The following LMO2 variants were observed in gnomAD, a reference collection of about 807,000 sequenced individuals.
The protein encoded by LMO2 is rhombotin-2.
Under a neutral mutation model 23.2 loss-of-function variants are expected in LMO2, and 20 were observed. The ratio of observed to expected loss-of-function variants is 0.86; its 90% CI spans 0.61 to 1.25. LMO2 has a LOEUF of 1.25. Among genes scored for constraint, LMO2 ranks in the 50% most tolerant of loss-of-function variants. The probability of loss-of-function intolerance (pLI) is 0.00; values close to 1 mark genes in which losing one functional copy is unlikely to be tolerated. For synonymous variants in LMO2, 123 were observed against 130.2 expected (o/e 0.94, Z 0.38); for missense variants, 270 against 315.3 (o/e 0.86, Z 1.09).
At chr11:33,890,863 AG>A (rs1440931829) in intron 1 of LMO2, among the ~76,000 whole-genome samples, 1 of 152,284 alleles carries the variant, frequency 6.6e-6, no homozygotes, top group Non-Finnish European at 1.5e-5. Context: ...CATCTTTCTA[AG>A]GTCTAAAGTG....
At chr11:33,869,611 G>C (rs1313487937) in intron 3 of LMO2, 25 bp from the exon 4 acceptor site, 2 of 1,271,756 alleles carry the variant, frequency 1.6e-6, no homozygotes, top group Non-Finnish European at 2.0e-6. Context: ...GAGAGAGAGC[G>C]AATCACCGGG....
chr11:33,865,022 TC>T (rs1856732024), intron 4 of LMO2: 2 of 613,752 alleles, frequency 3.3e-6, no homozygotes, highest in Non-Finnish European at 5.9e-6. Context: ...CAGACCTTAC[TC>T]CCTAGATGTC....
chr11:33,869,699 C>CA lies in LMO2; in HGVS notation c.7+10dup, dbSNP rs1288766794. The CA allele has an allele frequency of 7.7e-7, 1 of 1,294,970 alleles. No homozygotes were observed. Among genetic ancestry groups the CA allele is most frequent in the East Asian group, 3.5e-5 (1 of 28,472 alleles). 80.2% of individuals were successfully genotyped at this position (1,294,970 alleles called of 1,614,324 possible). On this transcript the variant is annotated intron_variant, in intron 3 of 5. Transcript: ENST00000257818. The stretch of plus-strand genomic sequence containing the variant: ...GGCGGCTGCAGCTGCTGCTGCTGCT[C>CA]AGGACTTAACCTTCCATCCCGGTCC...
intron 5 of LMO2, among the ~76,000 whole-genome samples, chr11:33,862,203 CAG>C (rs956804701): frequency 2.0e-5 from 3 of 152,152 alleles, no homozygotes; most frequent in African/African-American, 7.2e-5. Context: ...CAAAGTCCCT[CAG>C]AGGGGAGGGA....
At chr11:33,883,295 G>C (rs887868857) in intron 1 of LMO2, among the ~76,000 whole-genome samples, 1 of 152,236 alleles carries the variant, frequency 6.6e-6, no homozygotes, top group Non-Finnish European at 1.5e-5. Flanking sequence ...TCTGGACCCA[G>C]GTTCTGGAGA....
chr11:33,870,976 G>T (rs1033108836), intron 2 of LMO2: 2 of 770,946 alleles, frequency 2.6e-6, no homozygotes, highest in Non-Finnish European at 3.2e-6. Flanking sequence ...AAATATCTGC[G>T]TTCAGAAGCT....
chr11:33,891,152 A>G (rs895069665), intron 1 of LMO2, among the ~76,000 whole-genome samples: 35 of 152,178 alleles, frequency 2.3e-4, no homozygotes, highest in African/African-American at 8.2e-4. Flanking sequence ...TGATGGAAGG[A>G]ACTTGTAGCC....
chr11:33,870,849 C>T (rs1313262779), intron 2 of LMO2, among the ~76,000 whole-genome samples: 1 of 152,138 alleles, frequency 6.6e-6, no homozygotes, highest in Non-Finnish European at 1.5e-5. Flanking sequence ...TTCAGGCTTC[C>T]CCCTCTCAGC....
chr11:33,880,294 CAT>C lies in LMO2; in HGVS notation c.-272+1528_-272+1529del, dbSNP rs1205130989. On this transcript the variant is annotated intron_variant, in intron 2 of 5. Coordinates refer to ENST00000257818, the MANE Select transcript of LMO2 (RefSeq NM_005574.4). The surrounding 1 kb of genome is among the most constrained non-coding windows in gnomAD (Gnocchi z 4.3). ...TACACATGATATATATCATATATAT[CAT>C]ATATATACATATCATATATATACAT... 2.6e-4 allele frequency among the ~76,000 whole-genome samples: 14 copies of C among 53,844 alleles called. No individual in the cohort carries two copies. The highest frequency in any genetic ancestry group is 5.4e-4 in the South Asian group (1 of 1,844). 35.3% of individuals were successfully genotyped at this position (53,844 alleles called of 152,430 possible).
chr11:33,869,246 G>T, intron 4 of LMO2, 100 bp downstream of exon 4: 1 of 871,602 alleles, frequency 1.1e-6, no homozygotes, highest in Non-Finnish European at 1.4e-6. Context: ...CCGCGAGCGC[G>T]CACCTGGAGC....
chr11:33,869,319 T>TGGCAGG (rs1856913275), intron 4 of LMO2, 27 bp downstream of exon 4: 1 of 1,119,652 alleles, frequency 8.9e-7, no homozygotes, highest in African/African-American at 1.7e-5. Context: ...ACACCGGGGG[T>TGGCAGG]GGCAGGGGCA....
intron 2 of LMO2, among the ~76,000 whole-genome samples, chr11:33,879,780 T>C (rs1387922158): frequency 6.6e-6 from 1 of 152,160 alleles, no homozygotes; most frequent in African/African-American, 2.4e-5. Flanking sequence ...TTATTAGAGA[T>C]GCAAATCAAA....
chr11:33,864,645 A>T lies in LMO2; in HGVS notation c.421T>A (p.Tyr141Asn), dbSNP rs1402385409. The T allele has an allele frequency of 6.2e-7, 1 of 1,613,916 alleles. No individual in the cohort carries two copies. The highest frequency in any genetic ancestry group is 8.5e-7 in the Non-Finnish European group (1 of 1,180,018). ...CAGAGCTTCCGGCCCAGTTTGTAGT[A>T]GAGGCGCCGCCCCACCTCACCCAGC... is the stretch of plus-strand genomic sequence containing the variant. ...CRLGEVGRRL[Y>N]YKLGRKLCRR... Residue 141 changes from tyrosine (Y) to asparagine (N), a missense_variant, in exon 5 of 6, where the codon TAC (tyrosine) becomes AAC (asparagine). By Grantham distance (143) the Tyr-to-Asn change is moderately radical. Transcript: ENST00000257818. The surrounding 1 kb of genome is among the most constrained non-coding windows in gnomAD (Gnocchi z 4.8).
rs939907141 is a variant in LMO2, at chr11:33,880,867, T to C, written c.-272+957A>G. The C allele has an allele frequency of 1.5e-5, 4 of 273,268 alleles. No individual in the cohort carries two copies. The highest frequency in any genetic ancestry group is 2.9e-5 in the Non-Finnish European group (4 of 138,150). The allele number at this position is 273,268 out of a possible 1,614,324, so 16.9% of individuals were successfully genotyped here. A position where few individuals can be genotyped will look rare whatever the true frequency, so the allele number is the denominator to read the frequency against. On this transcript the variant is annotated intron_variant, in intron 2 of 5. Transcript: ENST00000257818. This position sits in a 1 kb window ranked among gnomAD's most constrained non-coding sequence, Gnocchi z 4.3. Reference sequence around the variant, plus strand: ...CAGTCTCATGAGCTCCAACACATTCTTCAGTGCAATCAGTGGCAATCCCTG... The same window carrying C: ...CAGTCTCATGAGCTCCAACACATTCCTCAGTGCAATCAGTGGCAATCCCTG...
In LMO2 at chr11:33,880,489, C is replaced by T. The variant is rs990130829; in HGVS notation, c.-272+1335G>A. On this transcript the variant is annotated intron_variant, in intron 2 of 5. Transcript: ENST00000257818. This position sits in a 1 kb window ranked among gnomAD's most constrained non-coding sequence, Gnocchi z 4.3. ...AAACAAATACATAGAGACAGAAAGT[C>T]GAATGGTGGTTGCCAGGAGCTAGGG... 2.6e-5 allele frequency among the ~76,000 whole-genome samples: 4 copies of T among 151,930 alleles called. No individual in the cohort carries two copies. Among genetic ancestry groups the T allele is most frequent in the Non-Finnish European group, 4.4e-5 (3 of 68,000 alleles).
At chr11:33,863,779 C>A (rs537379942) in intron 5 of LMO2, among the ~76,000 whole-genome samples, 6 of 152,316 alleles carry the variant, frequency 3.9e-5, no homozygotes, top group Admixed American at 3.3e-4. Flanking sequence ...TTGGTGTTGT[C>A]GAGTTCCTAT....
chr11:33,874,968 T>C (rs1425802527), intron 2 of LMO2, among the ~76,000 whole-genome samples: 1 of 152,256 alleles, frequency 6.6e-6, no homozygotes, highest in Non-Finnish European at 1.5e-5. Flanking sequence ...TAGTGTGTCC[T>C]AGTGGAAGGG....
rs1857566101 is a variant in LMO2, at chr11:33,891,969, G to A, written c.-510C>T. The A allele has an allele frequency of 6.6e-6, 1 of 152,234 alleles. No homozygotes were observed. Among genetic ancestry groups the A allele is most frequent in the African/African-American group, 2.4e-5 (1 of 41,416 alleles). The allele number at this position is 152,234 out of a possible 1,614,324, so 9.4% of individuals were successfully genotyped here. A position where few individuals can be genotyped will look rare whatever the true frequency, so the allele number is the denominator to read the frequency against. ...TCTGCCAGGACACCCAGAGGCCCTTGTGAATAGCAAAGCCCACTTAACGGC... is the reference window on the plus strand; with the variant it reads ...TCTGCCAGGACACCCAGAGGCCCTTATGAATAGCAAAGCCCACTTAACGGC... On this transcript the variant is annotated 5_prime_UTR_variant, in exon 1 of 6. Coordinates refer to ENST00000257818, the MANE Select transcript of LMO2 (RefSeq NM_005574.4).
chr11:33,883,356 T>C (rs746163898), intron 1 of LMO2, among the ~76,000 whole-genome samples: 53 of 152,212 alleles, frequency 3.5e-4, no homozygotes, highest in Non-Finnish European at 1.0e-4. Flanking sequence ...GGGAAAGTGT[T>C]GGCACATAGG....
Sources: gnomAD v4.1 joint callset for allele counts (sites outside exome capture counted in the v4.1 genomes callset) on GRCh38, gnomAD v4.1.1 for gene constraint, Gnocchi (gnomAD v3.1) non-coding constraint, MANE v1.5 for transcripts, NCBI Gene and HGNC (gene_info 2026-07-23, HGNC 2026-07-21) for gene names.